Variants in ARFGEF1 observed in about 807,000 individuals in gnomAD.
The protein encoded by ARFGEF1 is ARF guanine nucleotide exchange factor 1.
In ARFGEF1, 42 loss-of-function variants were observed where a neutral mutation model predicts 231.0. The observed-to-expected ratio is 0.18, with a 90% CI of 0.14 to 0.24. The LOEUF is 0.24. ARFGEF1 is among the 10% of genes least tolerant of loss of function. ARFGEF1 has a pLI of 1.00. For synonymous variants in ARFGEF1, 710 were observed against 732.3 expected (o/e 0.97, Z 0.49); for missense variants, 1,345 against 2,192.0 (o/e 0.61, Z 7.72).
At chr8:67,184,727 AAATAAT>A (rs1175566643) in intron 5 of ARFGEF1, among the ~76,000 whole-genome samples, 1 of 148,080 alleles carries the variant, frequency 6.8e-6, no homozygotes. Flanking sequence ...CTGTCTAAAA[AAATAAT>A]AATAAAAAAA....
intron 3 of ARFGEF1, 33 bp from the exon 4 acceptor site, chr8:67,299,388 T>A: frequency 6.3e-7 from 1 of 1,581,786 alleles, no homozygotes; most frequent in Non-Finnish European, 8.6e-7. Flanking sequence ...AGATCCTAAG[T>A]AAGGTAACAA....
downstream of ARFGEF1, chr8:67,175,184 T>C: frequency 1.3e-6 from 1 of 767,442 alleles, no homozygotes; most frequent in Non-Finnish European, 2.2e-6. Flanking sequence ...ACTATTTCTA[T>C]CATTTCCTTG....
rs555739133 is a variant in ARFGEF1 at position 67,281,846 on chromosome 8, T to C, written c.1028-4389A>G. Among the ~76,000 whole-genome samples the C allele has an allele frequency of 2.0e-5, 3 of 151,910 alleles. No individual in the cohort carries two copies. The East Asian group carries it at 5.8e-4, about 29-fold the overall frequency. On this transcript the variant is annotated intron_variant, in intron 7 of 38. Coordinates refer to ENST00000262215, the MANE Select transcript of ARFGEF1 (RefSeq NM_006421.5). ...TATTATCAAAACTAAACCAAAAATA[T>C]AGAAATAATTTAACAAAAAATGTGC...
rs1273378488 is a variant in ARFGEF1, at chr8:67,252,498, T to C, written c.2698+953A>G. Among the ~76,000 whole-genome samples, 5 of 152,120 alleles carry C rather than the reference T, an allele frequency of 3.3e-5. No homozygotes were observed. The East Asian group carries it at 7.7e-4, about 23-fold the overall frequency. On this transcript the variant is annotated intron_variant, in intron 18 of 38. Transcript: ENST00000262215. ...GGACAGAAAAAGAGGAATATGAGGATGATACAATATATAATATTCTTTTCT... is the reference window on the plus strand; with the variant it reads ...GGACAGAAAAAGAGGAATATGAGGACGATACAATATATAATATTCTTTTCT...
intron 1 of ARFGEF1, among the ~76,000 whole-genome samples, chr8:67,319,495 C>A (rs1807478044): frequency 1.4e-5 from 2 of 139,390 alleles, no homozygotes; most frequent in Admixed American, 7.2e-5. Context: ...AATTAGACAC[C>A]CATTTGCAAA....
intron 1 of ARFGEF1, among the ~76,000 whole-genome samples, chr8:67,309,289 G>A (rs182669649): frequency 3.3e-4 from 51 of 152,256 alleles, no homozygotes; most frequent in African/African-American, 1.1e-3. Context: ...GAGAGATAGC[G>A]ATCAAAGGAT....
intron 34 of ARFGEF1, among the ~76,000 whole-genome samples, chr8:67,205,665 T>C (rs1838484839): frequency 6.6e-6 from 1 of 151,990 alleles, no homozygotes; most frequent in African/African-American, 2.4e-5. Context: ...AAGACCAGCC[T>C]GCTCAACATG....
intron 1 of ARFGEF1, among the ~76,000 whole-genome samples, chr8:67,303,463 C>A (rs1226576796): frequency 6.6e-6 from 1 of 152,172 alleles, no homozygotes; most frequent in Non-Finnish European, 1.5e-5. Flanking sequence ...GTAATCCCAG[C>A]ACTTGGGGAG....
At chr8:67,209,340 T>C (rs1443020568) in intron 34 of ARFGEF1, among the ~76,000 whole-genome samples, 5 of 152,364 alleles carry the variant, frequency 3.3e-5, no homozygotes, top group Non-Finnish European at 5.9e-5. Flanking sequence ...GGTTGTATTT[T>C]GTATGATTCC....
chr8:67,338,517 T>C lies in ARFGEF1; in HGVS notation c.124+4647A>G, dbSNP rs1345831577. On this transcript the variant is annotated intron_variant, in intron 1 of 38. Transcript: ENST00000262215. ...ATCTTAACTATGTTCATGTGCATTA[T>C]AAATTTCCCAAATGGAAACAGATTA... Among the ~76,000 whole-genome samples the C allele has an allele frequency of 2.6e-5, 4 of 152,240 alleles. No homozygotes were observed. In the East Asian group the frequency reaches 5.8e-4, roughly 22 times the overall value.
At chr8:67,279,428 T>C (rs1018549846) in intron 7 of ARFGEF1, among the ~76,000 whole-genome samples, 2 of 152,160 alleles carry the variant, frequency 1.3e-5, no homozygotes, top group Non-Finnish European at 2.9e-5. Context: ...TTTTTCAATT[T>C]TGTGCACACA....
intron 9 of ARFGEF1, among the ~76,000 whole-genome samples, chr8:67,273,090 G>C (rs1325775148): frequency 1.3e-5 from 2 of 152,054 alleles, no homozygotes; most frequent in Non-Finnish European, 2.9e-5. Context: ...CTGGGTGACA[G>C]AGTGAGACTC....
chr8:67,323,405 C>T lies in ARFGEF1; in HGVS notation c.124+19759G>A, dbSNP rs78628537. On this transcript the variant is annotated intron_variant, in intron 1 of 38. Transcript: ENST00000262215. ...ACCTGATAACTTAAAAGTTGATCTA[C>T]AACTCAGATCTCTCCCCTAGGCTTG... Among the ~76,000 whole-genome samples the T allele has an allele frequency of 8.6e-3, 1,306 of 152,308 alleles. 15 individuals are homozygous for T. Among genetic ancestry groups the T allele is most frequent in the African/African-American group, 0.03 (1,230 of 41,564 alleles).
intron 5 of ARFGEF1, among the ~76,000 whole-genome samples, chr8:67,188,378 G>C (rs1182500190): frequency 6.6e-6 from 1 of 152,096 alleles, no homozygotes; most frequent in Non-Finnish European, 1.5e-5. Flanking sequence ...TTGTAACTCA[G>C]CTCACACCCA....
intron 7 of ARFGEF1, among the ~76,000 whole-genome samples, chr8:67,278,563 A>G (rs1268915281): frequency 6.6e-6 from 1 of 152,128 alleles, no homozygotes; most frequent in Non-Finnish European, 1.5e-5. Flanking sequence ...ATTAAACTGG[A>G]TAGGCTGGGT....
At chr8:67,187,683 C>T (rs1835052577) in intron 5 of ARFGEF1, among the ~76,000 whole-genome samples, 1 of 151,858 alleles carries the variant, frequency 6.6e-6, no homozygotes, top group Non-Finnish European at 1.5e-5. Flanking sequence ...GACCTTGTCT[C>T]AAAAAAAGAA....
rs1839446613 is a variant in ARFGEF1 at position 67,228,333 on chromosome 8, G to A, written c.3381-69C>T. 4 of 1,420,356 alleles carry A rather than the reference G, an allele frequency of 2.8e-6. No homozygotes were observed. In the Admixed American group the frequency reaches 8.0e-5, roughly 28 times the overall value. 88.0% of individuals were successfully genotyped at this position (1,420,356 alleles called of 1,614,324 possible). ...TTCTTATTCCAATTGAAAAGTATGT[G>A]GCATGGGGTACTAGCTATTTTTATG... On this transcript the variant is annotated intron_variant, in intron 23 of 38. Transcript: ENST00000262215.
chr8:67,313,382 G>A (rs781273498), intron 1 of ARFGEF1, among the ~76,000 whole-genome samples: 4 of 152,136 alleles, frequency 2.6e-5, no homozygotes, highest in Admixed American at 6.5e-5. Flanking sequence ...TACCAGGGTT[G>A]GTTTTCTGGT....
downstream of ARFGEF1, among the ~76,000 whole-genome samples, chr8:67,194,991 AAAAAAG>A (rs1837563352): frequency 6.6e-6 from 1 of 152,148 alleles, no homozygotes. Context: ...AAATAAAAAG[AAAAAAG>A]AAAGAAATTT....
Sources: gnomAD v4.1 joint callset for allele counts (sites outside exome capture counted in the v4.1 genomes callset) on GRCh38, gnomAD v4.1.1 for gene constraint, MANE v1.5 for transcripts, NCBI Gene and HGNC (gene_info 2026-07-23, HGNC 2026-07-21) for gene names.